SVEP1: variants seen among roughly 807,000 people sequenced by gnomAD.
SVEP1 encodes the protein sushi, von Willebrand factor type A, EGF and pentraxin domain-containing protein 1.
A neutral mutation model predicts 367.3 loss-of-function variants in SVEP1; 164 were observed. That is an observed-to-expected ratio of 0.45 (90% CI 0.39 to 0.51). SVEP1 has a LOEUF of 0.51. Ranked by LOEUF, SVEP1 falls within the 20% of genes least tolerant of loss-of-function variation. The pLI is 0.00. For missense variants in SVEP1, 4,117 were observed against 4,425.3 expected, an observed-to-expected ratio of 0.93 and a Z score of 1.98; for synonymous variants, 1,666 against 1,611.6, an observed-to-expected ratio of 1.03 and a Z score of -0.81.
At chr9:110,517,988 C>T (rs1026984777) in intron 3 of SVEP1, among the ~76,000 whole-genome samples, 1 of 151,782 alleles carries the variant, frequency 6.6e-6, no homozygotes, top group African/African-American at 2.4e-5. Context: ...ATATATGAGA[C>T]TTGAAGAAAA....
chr9:110,576,227 T>A (rs369241489), intron 1 of SVEP1, among the ~76,000 whole-genome samples: 1 of 149,912 alleles, frequency 6.7e-6, no homozygotes, highest in Non-Finnish European at 1.5e-5. Context: ...ATAGGTAGTC[T>A]CACACACACA....
At chr9:110,536,994 G>A (rs1439028774) in intron 3 of SVEP1, among the ~76,000 whole-genome samples, 1 of 151,946 alleles carries the variant, frequency 6.6e-6, no homozygotes, top group Non-Finnish European at 1.5e-5. Context: ...TGATTGCGAT[G>A]ATTGTGTAAC....
chr9:110,390,053 GTA>G (rs200582278), intron 40 of SVEP1, among the ~76,000 whole-genome samples: 35 of 120,508 alleles, frequency 2.9e-4, no homozygotes, highest in African/African-American at 9.0e-4. Context: ...ATATATACAC[GTA>G]TATATATAAG....
At chr9:110,424,342 G>T (rs910318012) in intron 36 of SVEP1, among the ~76,000 whole-genome samples, 2 of 57,276 alleles carry the variant, frequency 3.5e-5, no homozygotes, top group African/African-American at 2.6e-4. Context: ...TATTGAGAGG[G>T]ATAAATGTAA....
At chr9:110,546,915 A>G (rs1830227968) in intron 2 of SVEP1, among the ~76,000 whole-genome samples, 1 of 152,226 alleles carries the variant, frequency 6.6e-6, no homozygotes. Flanking sequence ...AAGGTTGAAT[A>G]TGATTGACCC....
intron 1 of SVEP1, among the ~76,000 whole-genome samples, chr9:110,575,465 C>T (rs1830615994): frequency 6.6e-6 from 1 of 152,126 alleles, no homozygotes; most frequent in Admixed American, 6.5e-5. Context: ...GCCATCAGGA[C>T]CTCATGAGTA....
intron 14 of SVEP1, among the ~76,000 whole-genome samples, chr9:110,472,535 A>T (rs543428208): frequency 6.6e-5 from 10 of 152,330 alleles, no homozygotes; most frequent in African/African-American, 2.4e-4. Flanking sequence ...TAATACTAAA[A>T]GAAGAAAGAA....
chr9:110,475,004 A>G (rs1190977669), intron 14 of SVEP1, among the ~76,000 whole-genome samples: 1 of 150,798 alleles, frequency 6.6e-6, no homozygotes, highest in Non-Finnish European at 1.5e-5. Flanking sequence ...TACAGTATAT[A>G]TAGTATGGTA....
intron 38 of SVEP1, 24 bp from the exon 39 acceptor site, chr9:110,404,576 G>C (rs1298164863): frequency 1.2e-6 from 2 of 1,604,700 alleles, no homozygotes; most frequent in South Asian, 2.2e-5. Flanking sequence ...GCAAAAATGA[G>C]TGCCTTAAAT....
chr9:110,476,353 C>T (rs974673547), intron 13 of SVEP1, 38 bp from the exon 14 acceptor site: 5 of 1,484,350 alleles, frequency 3.4e-6, no homozygotes, highest in Non-Finnish European at 4.7e-6. Context: ...GTGTAAATCA[C>T]TTTTCTGCAT....
chr9:110,538,840 G>T (rs1262134295), intron 3 of SVEP1, among the ~76,000 whole-genome samples: 1 of 152,010 alleles, frequency 6.6e-6, no homozygotes, highest in African/African-American at 2.4e-5. Context: ...TTGGATTTAC[G>T]ACCAGAGTTC....
intron 3 of SVEP1, among the ~76,000 whole-genome samples, chr9:110,516,838 T>C (rs1408962548): frequency 1.3e-5 from 2 of 152,208 alleles, no homozygotes; most frequent in Admixed American, 1.3e-4. Context: ...ATGGTTATGA[T>C]ATTAATGCAG....
At chr9:110,542,949 G>C (rs1021108644) in intron 3 of SVEP1, among the ~76,000 whole-genome samples, 3 of 131,768 alleles carry the variant, frequency 2.3e-5, no homozygotes, top group Non-Finnish European at 4.7e-5. Flanking sequence ...ATGTACCCTA[G>C]AACTTAAAGT....
At chr9:110,443,741 G>C (rs1828549430) in intron 26 of SVEP1, 21 bp from the exon 27 acceptor site, 4 of 1,551,858 alleles carry the variant, frequency 2.6e-6, no homozygotes, top group Non-Finnish European at 1.7e-6. Flanking sequence ...AAAGATTCCA[G>C]GGAATGTAGT....
chr9:110,544,338 A>G (rs1201729200), intron 3 of SVEP1, among the ~76,000 whole-genome samples: 1 of 152,178 alleles, frequency 6.6e-6, no homozygotes, highest in Admixed American at 6.5e-5. Context: ...TGTGGGTGTT[A>G]ATTTCCATGG....
chr9:110,397,614 T>C (rs1169835415), intron 40 of SVEP1, among the ~76,000 whole-genome samples: 1 of 151,616 alleles, frequency 6.6e-6, no homozygotes, highest in Non-Finnish European at 1.5e-5. Context: ...CAGCCCAAAA[T>C]CTCCTTAAGT....
At chr9:110,474,658 A>G (rs1242196844) in intron 14 of SVEP1, among the ~76,000 whole-genome samples, 2 of 152,194 alleles carry the variant, frequency 1.3e-5, no homozygotes, top group African/African-American at 4.8e-5. Flanking sequence ...CGTGTTTAAC[A>G]GAAGAGGGTT....
intron 43 of SVEP1, among the ~76,000 whole-genome samples, chr9:110,381,829 T>C (rs146227668): frequency 1.3e-3 from 198 of 152,180 alleles, no homozygotes; most frequent in African/African-American, 4.1e-3. Context: ...TCAAAGACTC[T>C]TTGTAAGTCT....
At chr9:110,569,285 C>T (rs373989790) in intron 1 of SVEP1, among the ~76,000 whole-genome samples, 2 of 151,836 alleles carry the variant, frequency 1.3e-5, no homozygotes, top group African/African-American at 2.4e-5. Context: ...GGAGAAACCC[C>T]GTCTCTACTA....
Sources: allele counts gnomAD v4.1 joint callset (sites outside exome capture counted in the v4.1 genomes callset), GRCh38; gene constraint gnomAD v4.1.1; transcripts MANE v1.5; gene names NCBI Gene and HGNC (gene_info 2026-07-23, HGNC 2026-07-21).